Variants in HDAC9 observed in about 807,000 individuals in gnomAD.
HDAC9 encodes MEF-2 interacting transcription repressor (MITR) protein.
In HDAC9, 41 loss-of-function variants were observed where a neutral mutation model predicts 139.4. That is an observed-to-expected ratio of 0.29 (90% confidence interval 0.23 to 0.38). The LOEUF (loss-of-function observed/expected upper bound fraction) is 0.38. Ranked by LOEUF, HDAC9 falls within the 10% of genes least tolerant of loss-of-function variation. The pLI is 1.00. For synonymous variants in HDAC9, 517 were observed against 476.2 expected, an observed-to-expected ratio of 1.09 and a Z score of -1.12; for missense variants, 1,147 against 1,297.0, an observed-to-expected ratio of 0.88 and a Z score of 1.78.
intron 17 of HDAC9, among the ~76,000 whole-genome samples, chr7:18,800,150 C>G (rs536080157): frequency 6.6e-6 from 1 of 152,316 alleles, no homozygotes; most frequent in East Asian, 1.9e-4. Context: ...ACCAAGTATT[C>G]TATGTCCAAC....
intron 2 of HDAC9, chr7:18,502,557 CTATGTT>C (rs1252539480): frequency 6.6e-6 from 1 of 152,116 alleles, no homozygotes; most frequent in African/African-American, 2.4e-5. Flanking sequence ...AGTAAATGGA[CTATGTT>C]TATAATTTCC....
chr7:18,658,422 T>A (rs576670535), intron 11 of HDAC9, among the ~76,000 whole-genome samples: 60 of 152,232 alleles, frequency 3.9e-4, no homozygotes, highest in African/African-American at 1.4e-3. Flanking sequence ...GGAAAAAAAA[T>A]TTAATTGCAG....
intron 1 of HDAC9, among the ~76,000 whole-genome samples, chr7:18,361,766 A>G (rs772510789): frequency 1.3e-5 from 2 of 152,136 alleles, no homozygotes; most frequent in Non-Finnish European, 2.9e-5. Flanking sequence ...CAAATTGTCC[A>G]TAGTCCACAA....
intron 1 of HDAC9, among the ~76,000 whole-genome samples, chr7:18,303,414 TGTGTGTGTG>T (rs1798696403): frequency 7.5e-6 from 1 of 132,522 alleles, no homozygotes; most frequent in East Asian, 2.0e-4. Flanking sequence ...TGTGTGTGTG[TGTGTGTGTG>T]TTTTTAGTAG....
intron 2 of HDAC9, among the ~76,000 whole-genome samples, chr7:18,207,014 CA>C (rs1320315255): frequency 6.6e-6 from 1 of 150,730 alleles, no homozygotes; most frequent in Non-Finnish European, 1.5e-5. Context: ...TGGCTCACAG[CA>C]ACCCCTGCCT....
intron 2 of HDAC9, among the ~76,000 whole-genome samples, chr7:18,503,267 T>C (rs1798883635): frequency 6.6e-6 from 1 of 152,228 alleles, no homozygotes; most frequent in Non-Finnish European, 1.5e-5. Flanking sequence ...GTGTCCTTCC[T>C]GTTGGCAGTT....
intron 2 of HDAC9, among the ~76,000 whole-genome samples, chr7:18,277,896 A>C (rs541109432): frequency 6.6e-6 from 1 of 152,210 alleles, no homozygotes; most frequent in Non-Finnish European, 1.5e-5. Context: ...TAATTTAACT[A>C]TCCCAGAGAT....
intron 21 of HDAC9, among the ~76,000 whole-genome samples, chr7:18,849,469 A>AT (rs1270300697): frequency 2.0e-5 from 3 of 152,110 alleles, no homozygotes; most frequent in Non-Finnish European, 2.9e-5. Flanking sequence ...ACAGTCATAT[A>AT]TTTTTTGTTT....
At chr7:18,528,453 G>C (rs1433002679) in intron 2 of HDAC9, among the ~76,000 whole-genome samples, 1 of 151,986 alleles carries the variant, frequency 6.6e-6, no homozygotes, top group African/African-American at 2.4e-5. Flanking sequence ...TATCTTCTGG[G>C]TTTTCAGACC....
intron 6 of HDAC9, among the ~76,000 whole-genome samples, chr7:18,595,366 T>C (rs1832181821): frequency 6.6e-6 from 1 of 152,078 alleles, no homozygotes; most frequent in Non-Finnish European, 1.5e-5. Context: ...TAAATAAACT[T>C]TTCTAGGATG....
chr7:18,363,497 A>C (rs1224633734), intron 1 of HDAC9, among the ~76,000 whole-genome samples: 1 of 152,186 alleles, frequency 6.6e-6, no homozygotes, highest in African/African-American at 2.4e-5. Context: ...TTAAGAAAGA[A>C]AGAAAATGTT....
At chr7:18,555,018 A>C (rs1199776558) in intron 2 of HDAC9, among the ~76,000 whole-genome samples, 1 of 152,256 alleles carries the variant, frequency 6.6e-6, no homozygotes, top group Non-Finnish European at 1.5e-5. Flanking sequence ...ACTTGGCAGA[A>C]ACATATAAAA....
At chr7:18,107,030 T>C (rs1446331549) in intron 1 of HDAC9, among the ~76,000 whole-genome samples, 2 of 152,216 alleles carry the variant, frequency 1.3e-5, no homozygotes, top group Non-Finnish European at 2.9e-5. Flanking sequence ...GTAAGTGTTA[T>C]GTTTCATAGT....
chr7:18,898,648 T>C (rs1236057687), intron 22 of HDAC9, among the ~76,000 whole-genome samples: 1 of 151,946 alleles, frequency 6.6e-6, no homozygotes, highest in Non-Finnish European at 1.5e-5. Context: ...TATATATATC[T>C]ACTTACTTAT....
chr7:18,681,111 C>G (rs1781859883), intron 12 of HDAC9, among the ~76,000 whole-genome samples: 1 of 151,986 alleles, frequency 6.6e-6, no homozygotes, highest in Non-Finnish European at 1.5e-5. Flanking sequence ...CACTTTAGCC[C>G]TAAACTTAGC....
At chr7:18,532,940 A>ACC (rs1164495409) in intron 2 of HDAC9, among the ~76,000 whole-genome samples, 1 of 151,940 alleles carries the variant, frequency 6.6e-6, no homozygotes, top group Non-Finnish European at 1.5e-5. Flanking sequence ...GTTCCCCTGT[A>ACC]CCCATATGTG....
At chr7:18,213,077 T>C (rs953370089) in intron 2 of HDAC9, among the ~76,000 whole-genome samples, 1 of 152,210 alleles carries the variant, frequency 6.6e-6, no homozygotes, top group African/African-American at 2.4e-5. Context: ...TTGATAAACA[T>C]GTTTGTTGAG....
chr7:18,803,628 G>A (rs998167722), intron 17 of HDAC9, among the ~76,000 whole-genome samples: 1 of 152,104 alleles, frequency 6.6e-6, no homozygotes, highest in Admixed American at 6.5e-5. Flanking sequence ...CAATTTTGAT[G>A]AGGAAAAATC....
intron 1 of HDAC9, among the ~76,000 whole-genome samples, chr7:18,398,741 A>G (rs550649177): frequency 3.3e-5 from 5 of 152,140 alleles, no homozygotes; most frequent in Admixed American, 6.6e-5. Flanking sequence ...TGTGCTGTTG[A>G]GCTAAGACTC....
Sources: allele counts gnomAD v4.1 joint callset (sites outside exome capture counted in the v4.1 genomes callset), GRCh38; gene constraint gnomAD v4.1.1; transcripts MANE v1.5; gene names NCBI Gene and HGNC (gene_info 2026-07-23, HGNC 2026-07-21).